TRAM2: variants seen among roughly 807,000 people sequenced by gnomAD.
TRAM2 encodes translocating chain-associated membrane protein 2.
Under a neutral mutation model 51.0 loss-of-function variants are expected in TRAM2, and 12 were observed. That is an observed-to-expected ratio of 0.24 (90% CI 0.15 to 0.38). TRAM2 has a LOEUF of 0.38. TRAM2 is among the 10% of genes least tolerant of loss of function. The probability of loss-of-function intolerance (pLI) is 1.00; values close to 1 mark genes in which losing one functional copy is unlikely to be tolerated. For synonymous variants in TRAM2, 175 were observed against 179.4 expected, an observed-to-expected ratio of 0.98 and a Z score of 0.20; for missense variants, 361 against 462.0, an observed-to-expected ratio of 0.78 and a Z score of 2.00.
rs1554267137 is a variant in TRAM2 at position 52,570,805 on chromosome 6, C to CA, written c.120+5990_120+5991insT. Reference sequence around the variant, plus strand: ...TCCTCCCTGCCCACCACCCCCCCCCCCACACGCACACACACTCTGCCTCCA... The same window carrying CA: ...TCCTCCCTGCCCACCACCCCCCCCCCACACACGCACACACACTCTGCCTCCA... On this transcript the variant is annotated intron_variant, in intron 1 of 10. Transcript: ENST00000182527. Among the ~76,000 whole-genome samples, 205 of 142,130 alleles carry CA rather than the reference C, an allele frequency of 1.4e-3. 2 individuals are homozygous for CA. The highest frequency in any genetic ancestry group is 4.9e-3 in the African/African-American group (186 of 37,914). The allele number at this position is 142,130 out of a possible 152,430, so 93.2% of individuals were successfully genotyped here.
At chr6:52,524,535 G>A (rs1465914937) in intron 2 of TRAM2, 1 of 151,766 alleles carries the variant, frequency 6.6e-6, no homozygotes, top group African/African-American at 2.4e-5. Context: ...TGGGGCACAG[G>A]GAAGCTAGGA....
At chr6:52,567,578 C>A (rs1767609104) in intron 1 of TRAM2, among the ~76,000 whole-genome samples, 3 of 152,238 alleles carry the variant, frequency 2.0e-5, no homozygotes, top group Admixed American at 1.3e-4. Flanking sequence ...AGCAGACCAA[C>A]TTTGCTTTTT....
chr6:52,569,630 C>T (rs1221477457), intron 1 of TRAM2, among the ~76,000 whole-genome samples: 8 of 151,734 alleles, frequency 5.3e-5, no homozygotes, highest in African/African-American at 1.5e-4. Flanking sequence ...AGCAATGGCT[C>T]GAGGTTGAGG....
In TRAM2 at chr6:52,576,898, C is replaced by T. The variant is rs767299696; in HGVS notation, c.18G>A (p.Arg6=). 13 of 1,612,972 alleles carry T rather than the reference C, an allele frequency of 8.1e-6. No individual in the cohort carries two copies. Among genetic ancestry groups the T allele is most frequent in the Admixed American group, 1.7e-5 (1 of 59,952 alleles). ...GGCTGAAGAGCGGGTAACTTTTCGTCCTCCTGCGGAAAGCCATGGCAGCGG... is the reference window on the plus strand; with the variant it reads ...GGCTGAAGAGCGGGTAACTTTTCGTTCTCCTGCGGAAAGCCATGGCAGCGG... MAFRR[R]TKSYPLFSQE... The change falls in exon 1 of 11, where the codon AGG becomes AGA. Residue 6 remains arginine, a synonymous_variant. Coordinates refer to ENST00000182527, the MANE Select transcript of TRAM2 (RefSeq NM_012288.4).
At chr6:52,535,033 G>C (rs1321171505) in intron 2 of TRAM2, among the ~76,000 whole-genome samples, 1 of 151,658 alleles carries the variant, frequency 6.6e-6, no homozygotes, top group Non-Finnish European at 1.5e-5. Context: ...GGCTGGGCCT[G>C]AGGTTTGGTC....
rs73429511 is a variant in TRAM2 at position 52,550,583 on chromosome 6, C to T, written c.121-14737G>A. On this transcript the variant is annotated intron_variant, in intron 1 of 10. Coordinates refer to ENST00000182527, the MANE Select transcript of TRAM2 (RefSeq NM_012288.4). Reference sequence around the variant, plus strand: ...TTATTTTTTTTGCGACAGGGTTTCACTCCCGTCATCCAGACTGGAGTGCAG... The same window carrying T: ...TTATTTTTTTTGCGACAGGGTTTCATTCCCGTCATCCAGACTGGAGTGCAG... Among the ~76,000 whole-genome samples the T allele has an allele frequency of 7.3e-3, 1,104 of 152,238 alleles. 13 individuals carry two copies. Among genetic ancestry groups the T allele is most frequent in the African/African-American group, 0.025 (1,024 of 41,530 alleles).
At chr6:52,515,497 T>C (rs933461909) in intron 4 of TRAM2, among the ~76,000 whole-genome samples, 5 of 152,212 alleles carry the variant, frequency 3.3e-5, no homozygotes, top group African/African-American at 9.7e-5. Flanking sequence ...GCCTCGTTTA[T>C]AGAAGGCCAA....
chr6:52,535,891 T>A, intron 1 of TRAM2, 45 bp from the exon 2 acceptor site: 3 of 1,563,894 alleles, frequency 1.9e-6, no homozygotes, highest in South Asian at 1.1e-5. Context: ...TTTGGCCACA[T>A]CAAAAGAAAC....
chr6:52,570,787 T>G (rs1231171466), intron 1 of TRAM2, among the ~76,000 whole-genome samples: 14 of 57,792 alleles, frequency 2.4e-4, no homozygotes, highest in East Asian at 6.5e-4. Flanking sequence ...CAATCCTCCC[T>G]GCCCACCACC....
chr6:52,543,087 T>C (rs1339598400), intron 1 of TRAM2, among the ~76,000 whole-genome samples: 2 of 152,244 alleles, frequency 1.3e-5, no homozygotes, highest in Non-Finnish European at 2.9e-5. Flanking sequence ...ACGTGCTTTA[T>C]AGATAGCCTT....
intron 5 of TRAM2, among the ~76,000 whole-genome samples, chr6:52,509,060 T>G (rs1766402140): frequency 6.6e-6 from 1 of 152,090 alleles, no homozygotes; most frequent in Admixed American, 6.6e-5. Context: ...AACAAAGATC[T>G]CGGGAAAGGC....
rs901908791 is a variant in TRAM2, at chr6:52,502,836, A to C, written c.*361T>G. ...GACAGAAAAATTGCAAGATAAGGTGAAAATAGGAAGTAAAAAGGAAAAGCA... is the reference window on the plus strand; with the variant it reads ...GACAGAAAAATTGCAAGATAAGGTGCAAATAGGAAGTAAAAAGGAAAAGCA... On this transcript the variant is annotated 3_prime_UTR_variant, in exon 11 of 11. Coordinates refer to ENST00000182527, the MANE Select transcript of TRAM2 (RefSeq NM_012288.4). 8 of 222,480 alleles carry C rather than the reference A, an allele frequency of 3.6e-5. No homozygotes were observed. The highest frequency in any genetic ancestry group is 1.8e-4 in the African/African-American group (8 of 43,650). 13.8% of individuals were successfully genotyped at this position (222,480 alleles called of 1,614,324 possible). A position where few individuals can be genotyped will look rare whatever the true frequency, so the allele number is the denominator to read the frequency against.
intron 10 of TRAM2, 94 bp from the exon 11 acceptor site, chr6:52,503,364 G>A: frequency 1.8e-6 from 2 of 1,139,096 alleles, no homozygotes; most frequent in South Asian, 2.5e-5. Flanking sequence ...AGGGGCCCGG[G>A]CAGCCCAGCT....
chr6:52,512,717 C>G (rs1313884581), intron 4 of TRAM2, among the ~76,000 whole-genome samples: 1 of 152,234 alleles, frequency 6.6e-6, no homozygotes, highest in Non-Finnish European at 1.5e-5. Context: ...GTTTCCCCAG[C>G]AGCCTTCCTT....
intron 10 of TRAM2, 78 bp from the exon 11 acceptor site, chr6:52,503,348 C>T: frequency 1.5e-6 from 2 of 1,362,546 alleles, no homozygotes; most frequent in South Asian, 2.3e-5. Context: ...GGGGCCAGGC[C>T]AAGGAAGGGG....
intron 1 of TRAM2, among the ~76,000 whole-genome samples, chr6:52,570,129 G>C (rs1767652713): frequency 6.6e-6 from 1 of 152,198 alleles, no homozygotes; most frequent in Non-Finnish European, 1.5e-5. Context: ...GTGCCCTTGA[G>C]CTACAGCTAC....
At chr6:52,516,762 C>A in intron 2 of TRAM2, 25 bp from the exon 3 acceptor site, 1 of 1,566,118 alleles carries the variant, frequency 6.4e-7, no homozygotes. Context: ...AAAGTCCCAT[C>A]AGCATCCCTG....
At chr6:52,546,416 T>G (rs1767201073) in intron 1 of TRAM2, among the ~76,000 whole-genome samples, 3 of 152,156 alleles carry the variant, frequency 2.0e-5, no homozygotes, top group Non-Finnish European at 2.9e-5. Context: ...CTCATTCTTC[T>G]CACAGTGTAG....
chr6:52,546,261 G>C (rs1562485211), intron 1 of TRAM2, among the ~76,000 whole-genome samples: 1 of 152,196 alleles, frequency 6.6e-6, no homozygotes, highest in Non-Finnish European at 1.5e-5. Context: ...ATGGTAGTGA[G>C]GCTGGAAGGT....
Sources: allele counts gnomAD v4.1 joint callset (sites outside exome capture counted in the v4.1 genomes callset), GRCh38; gene constraint gnomAD v4.1.1; transcripts MANE v1.5; gene names NCBI Gene and HGNC (gene_info 2026-07-23, HGNC 2026-07-21).